Variants in CACNA1D observed in about 807,000 individuals in gnomAD.
The protein encoded by CACNA1D is calcium voltage-gated channel subunit alpha1 D, also known as voltage-dependent L-type calcium channel subunit alpha-1D.
CACNA1D carries 55 observed loss-of-function variants against 257.1 expected under a neutral mutation model. That is an observed-to-expected ratio of 0.21 (90% confidence interval 0.17 to 0.27). The LOEUF is 0.27. Among genes scored for constraint, CACNA1D ranks in the 10% least tolerant of loss-of-function variants. The pLI, the probability that CACNA1D is intolerant of heterozygous loss-of-function variation, is 1.00. For missense variants in CACNA1D, 1,876 were observed against 2,784.0 expected, an observed-to-expected ratio of 0.67 and a Z score of 7.34; for synonymous variants, 980 against 1,014.9, an observed-to-expected ratio of 0.97 and a Z score of 0.65.
At chr3:53,570,110 A>G (rs574040793) in intron 3 of CACNA1D, among the ~76,000 whole-genome samples, 31 of 152,346 alleles carry the variant, frequency 2.0e-4, no homozygotes, top group Admixed American at 5.9e-4. Flanking sequence ...GGTTCAGAAC[A>G]TAATTGTCTA....
At chr3:53,782,791 C>T (rs1268470226) in intron 39 of CACNA1D, 1 of 152,202 alleles carries the variant, frequency 6.6e-6, no homozygotes, top group Non-Finnish European at 1.5e-5. Flanking sequence ...CAAAACAAAA[C>T]AAAAGTCCTC....
At chr3:53,584,965 T>C (rs751176625) in intron 3 of CACNA1D, among the ~76,000 whole-genome samples, 5 of 151,844 alleles carry the variant, frequency 3.3e-5, no homozygotes, top group Non-Finnish European at 5.9e-5. Context: ...TATCTGCACT[T>C]GAGGCTTTCC....
intron 10 of CACNA1D, chr3:53,718,601 C>CCCCCCCAATAAA: frequency 9.1e-7 from 1 of 1,103,204 alleles, no homozygotes; most frequent in Non-Finnish European, 1.3e-6. Flanking sequence ...CCCCCCGGCC[C>CCCCCCCAATAAA]AGCATTTCAC....
At chr3:53,781,220 G>A in intron 38 of CACNA1D, among the ~76,000 whole-genome samples, 1 of 152,194 alleles carries the variant, frequency 6.6e-6, no homozygotes, top group East Asian at 1.9e-4. Flanking sequence ...AACAACCCAT[G>A]AAAGAGCAGA....
At chr3:53,623,622 C>T (rs1012906835) in intron 3 of CACNA1D, among the ~76,000 whole-genome samples, 16 of 131,312 alleles carry the variant, frequency 1.2e-4, no homozygotes, top group African/African-American at 4.0e-4. Flanking sequence ...CCCTTTGTTA[C>T]ACAGTGCTAT....
At chr3:53,722,947 C>G (rs766867740) in intron 12 of CACNA1D, among the ~76,000 whole-genome samples, 1 of 152,128 alleles carries the variant, frequency 6.6e-6, no homozygotes, top group Non-Finnish European at 1.5e-5. Flanking sequence ...AAACCCGTTT[C>G]CCTCTACCTC....
chr3:53,666,275 C>A, intron 6 of CACNA1D, 64 bp from the exon 7 acceptor site: 2 of 1,509,598 alleles, frequency 1.3e-6, no homozygotes, highest in Non-Finnish European at 9.2e-7. Context: ...TTCTCACCTT[C>A]CGCTGGCTTG....
Position 53,772,776 on chromosome 3 carries a change from G to C in CACNA1D, c.4045-57G>C, listed in dbSNP as rs2278517. On this transcript the variant is annotated intron_variant, in intron 32 of 47. Transcript: ENST00000350061. ...CACTCATGGGTCTTCTCAGGCTGTG[G>C]CGGGCCGTCACGGGGACAGCCGGCT... is the stretch of plus-strand genomic sequence containing the variant. 0.65 allele frequency: 867,113 copies of C among 1,328,274 alleles called. 289,582 individuals are homozygous for C. The highest frequency in any genetic ancestry group is 0.72 in the African/African-American group (50,225 of 69,362). The allele number at this position is 1,328,274 out of a possible 1,614,324, so 82.3% of individuals were successfully genotyped here.
At chr3:53,667,802 G>T (rs1431891239) in intron 7 of CACNA1D, among the ~76,000 whole-genome samples, 1 of 151,678 alleles carries the variant, frequency 6.6e-6, no homozygotes, top group East Asian at 1.9e-4. Flanking sequence ...TTCTTTTTCT[G>T]ATTGTCATAG....
In CACNA1D at chr3:53,774,700, G is replaced by T; in HGVS notation, c.4202+22G>T. Reference sequence around the variant, plus strand: ...TCAGGTGACTGCAACTGGCTTGGGCGGTGCTCCTGGGCAGGGGGGTCCGCT... The same window carrying T: ...TCAGGTGACTGCAACTGGCTTGGGCTGTGCTCCTGGGCAGGGGGGTCCGCT... On this transcript the variant is annotated intron_variant, in intron 34 of 47. Transcript: ENST00000350061. This position sits in a 1 kb window ranked among gnomAD's most constrained non-coding sequence, Gnocchi z 4.3. 6.8e-7 allele frequency: 1 copy of T among 1,460,040 alleles called. No individual in the cohort carries two copies. The highest frequency in any genetic ancestry group is 1.4e-5 in the African/African-American group (1 of 71,958). The allele number at this position is 1,460,040 out of a possible 1,614,324, so 90.4% of individuals were successfully genotyped here.
chr3:53,786,176 C>T (rs534315779), intron 39 of CACNA1D: 1 of 153,756 alleles, frequency 6.5e-6, no homozygotes, highest in South Asian at 2.0e-4. Context: ...AAAAATAAGC[C>T]CAGCTCAACT....
At chr3:53,602,201 A>T (rs1228830661) in intron 3 of CACNA1D, among the ~76,000 whole-genome samples, 1 of 152,172 alleles carries the variant, frequency 6.6e-6, no homozygotes, top group Non-Finnish European at 1.5e-5. Flanking sequence ...TATAAGTGAG[A>T]ATGTGATATT....
intron 3 of CACNA1D, among the ~76,000 whole-genome samples, chr3:53,541,396 T>G (rs749777164): frequency 3.9e-5 from 6 of 152,204 alleles, no homozygotes; most frequent in Non-Finnish European, 8.8e-5. Context: ...TCTCCATGTT[T>G]CAAAGGAATA....
intron 3 of CACNA1D, among the ~76,000 whole-genome samples, chr3:53,601,627 G>A (rs2093443391): frequency 6.6e-6 from 1 of 152,232 alleles, no homozygotes; most frequent in African/African-American, 2.4e-5. Flanking sequence ...GAAAACGTAT[G>A]TAAATCATGG....
chr3:53,805,740 T>TCCCTCATCTTCCCTCCTCCC (rs2095559378), intron 45 of CACNA1D, among the ~76,000 whole-genome samples: 1 of 131,634 alleles, frequency 7.6e-6, no homozygotes, highest in African/African-American at 3.0e-5. Context: ...TCCCTCCTCC[T>TCCCTCATCTTCCCTCCTCCC]CCCTCATCTT....
intron 30 of CACNA1D, among the ~76,000 whole-genome samples, chr3:53,765,141 A>T (rs902422468): frequency 2.5e-4 from 38 of 152,254 alleles, no homozygotes; most frequent in African/African-American, 8.7e-4. Context: ...ACAAAGATAA[A>T]AAAGGACTGG....
At chr3:53,500,543 G>A (rs773154511) in intron 2 of CACNA1D, among the ~76,000 whole-genome samples, 5 of 152,048 alleles carry the variant, frequency 3.3e-5, no homozygotes, top group Admixed American at 6.6e-5. Context: ...TAGTCTGTTC[G>A]TATGCTCCAG....
chr3:53,537,451 C>T (rs989988729), intron 3 of CACNA1D, among the ~76,000 whole-genome samples: 1 of 152,070 alleles, frequency 6.6e-6, no homozygotes, highest in South Asian at 2.1e-4. Context: ...GGTATATCAG[C>T]AAATCTCAGG....
intron 4 of CACNA1D, among the ~76,000 whole-genome samples, chr3:53,654,571 C>G (rs1025300490): frequency 6.6e-6 from 1 of 152,142 alleles, no homozygotes; most frequent in African/African-American, 2.4e-5. Context: ...TAGACCAAAT[C>G]TAGTTTGAGC....
Sources: gnomAD v4.1 joint callset for allele counts (sites outside exome capture counted in the v4.1 genomes callset) on GRCh38, gnomAD v4.1.1 for gene constraint, Gnocchi (gnomAD v3.1) non-coding constraint, MANE v1.5 for transcripts, NCBI Gene and HGNC (gene_info 2026-07-23, HGNC 2026-07-21) for gene names.